The following KDM6A variants were observed in gnomAD, a reference collection of about 807,000 sequenced individuals.
KDM6A encodes the protein lysine demethylase 6A, also known as lysine-specific demethylase 6A.
KDM6A carries 11 observed loss-of-function variants against 117.6 expected under a neutral mutation model. That is an observed-to-expected ratio of 0.09 (90% CI 0.06 to 0.15). The LOEUF (loss-of-function observed/expected upper bound fraction) is 0.15, where lower values mean the gene tolerates loss of function less well. Among genes scored for constraint, KDM6A ranks in the 10% least tolerant of loss-of-function variants. KDM6A has a pLI of 1.00. For missense variants in KDM6A, 799 were observed against 1,077.3 expected (o/e 0.74, Z 3.62); for synonymous variants, 384 against 396.1 (o/e 0.97, Z 0.36).
At chrX:44,904,731 CTTTTCAGGCTGCTGGA>C (rs2034543156) in intron 2 of KDM6A, among the ~76,000 whole-genome samples, 1 of 111,854 alleles carries the variant, frequency 8.9e-6, no homozygotes, top group South Asian at 3.7e-4. Context: ...CCTCTGCTGG[CTTTTCAGGCTGCTGGA>C]TTTTACCAGA....
At chrX:44,980,435 G>A (rs1446064315) in intron 4 of KDM6A, among the ~76,000 whole-genome samples, 2 of 110,755 alleles carry the variant, frequency 1.8e-5, no homozygotes, top group African/African-American at 6.6e-5. Flanking sequence ...AAGTTAGGAA[G>A]AATTTGTCAT....
At position 44,966,869 on chromosome X, in the gene KDM6A, C is replaced by CTTT. The variant is rs1228583337; in HGVS notation, c.334+5493_334+5495dup. Among the ~76,000 whole-genome samples, 517 of 88,902 alleles carry CTTT rather than the reference C, an allele frequency of 5.8e-3. 21 individuals carry two copies. Among genetic ancestry groups the CTTT allele is most frequent in the African/African-American group, 0.021 (466 of 21,798 alleles). 77.2% of individuals were successfully genotyped at this position (88,902 alleles called of 115,157 possible). On this transcript the variant is annotated intron_variant, in intron 3 of 29. Transcript: ENST00000611820. ...CTTAAAATAAATTCTCTCTCTCTCT[C>CTTT]TTTTTTTTTTTTTTTTTTGAGACAG...
chrX:44,911,086 G>GCC (rs771959202), intron 2 of KDM6A, among the ~76,000 whole-genome samples: 1 of 103,949 alleles, frequency 9.6e-6, no homozygotes, highest in Admixed American at 1.0e-4. Flanking sequence ...GGGCAGAGGC[G>GCC]CCCCCACCTC....
chrX:45,008,845 T>G (rs1382116831), intron 4 of KDM6A, among the ~76,000 whole-genome samples: 1 of 111,960 alleles, frequency 8.9e-6, no homozygotes, highest in Non-Finnish European at 1.9e-5. Context: ...CCTTTGTGAC[T>G]CCTGGAATTT....
intron 3 of KDM6A, among the ~76,000 whole-genome samples, chrX:44,966,376 C>G (rs2039013878): frequency 9.0e-6 from 1 of 110,883 alleles, no homozygotes; most frequent in Non-Finnish European, 1.9e-5. Context: ...CCCCTGGGCT[C>G]CAGCGATCCT....
chrX:45,073,212 T>G (rs1309896709), intron 18 of KDM6A, among the ~76,000 whole-genome samples: 1 of 111,794 alleles, frequency 8.9e-6, no homozygotes, highest in African/African-American at 3.3e-5. Context: ...TCATCCTTTT[T>G]TATGGCTGCA....
chrX:45,020,866 G>A (rs2147671976), intron 6 of KDM6A, 136 bp downstream of exon 6: 1 of 670,615 alleles, frequency 1.5e-6, no homozygotes, highest in East Asian at 3.3e-5. Context: ...AAATTCAGGT[G>A]ACAGAACTGT....
In KDM6A at chrX:44,946,523, AT is replaced by A. The variant is rs1157240689; in HGVS notation, c.226-14751del. Among the ~76,000 whole-genome samples the A allele has an allele frequency of 2.7e-4, 29 of 109,073 alleles. No individual in the cohort carries two copies. The East Asian group carries it at 3.1e-3, about 12-fold the overall frequency. The allele number at this position is 109,073 out of a possible 115,157, so 94.7% of individuals were successfully genotyped here. A position where few individuals can be genotyped will look rare whatever the true frequency, so the allele number is the denominator to read the frequency against. On this transcript the variant is annotated intron_variant, in intron 2 of 29. Coordinates refer to ENST00000611820, the MANE Select transcript of KDM6A (RefSeq NM_001291415.2). ...TCAGTTGTGGCTTGCCTTTATACTA[AT>A]TTTTTTTTTATAAACATAAGTTCTG...
chrX:44,887,356 G>A (rs2032976970), intron 2 of KDM6A, among the ~76,000 whole-genome samples: 1 of 111,618 alleles, frequency 9.0e-6, no homozygotes, highest in Non-Finnish European at 1.9e-5. Context: ...ATTTCAGAGA[G>A]TATAGGGAAT....
intron 2 of KDM6A, among the ~76,000 whole-genome samples, chrX:44,921,367 G>C (rs2035925606): frequency 9.0e-6 from 1 of 111,502 alleles, no homozygotes; most frequent in Non-Finnish European, 1.9e-5. Flanking sequence ...GATTTCACCA[G>C]GTATGTATGT....
Position 45,082,871 on chromosome X carries a change from T to A in KDM6A, c.3440+82T>A, listed in dbSNP as rs1186170967. On this transcript the variant is annotated intron_variant, in intron 23 of 29. Transcript: ENST00000611820. ...ATTGGGAATTCTCTACAATTTCCTC[T>A]TCTGTTTCATTTATTGTCATTTTTT... The A allele has an allele frequency of 9.7e-6, 6 of 618,216 alleles. No individual in the cohort carries two copies. In the Admixed American group the frequency reaches 1.7e-4, roughly 17 times the overall value. 50.9% of individuals were successfully genotyped at this position (618,216 alleles called of 1,213,427 possible).
At chrX:45,045,859 C>T (rs1035512554) in intron 8 of KDM6A, among the ~76,000 whole-genome samples, 5 of 111,296 alleles carry the variant, frequency 4.5e-5, no homozygotes, top group Non-Finnish European at 9.4e-5. Flanking sequence ...TTCCTGCTTT[C>T]AGTTCTTTTT....
intron 13 of KDM6A, among the ~76,000 whole-genome samples, chrX:45,060,373 T>TG (rs1275630509): frequency 2.0e-4 from 22 of 112,362 alleles, no homozygotes; most frequent in African/African-American, 7.1e-4. Context: ...TTCATGATTT[T>TG]GAAGGAGATT....
At position 45,111,382 on chromosome X, in the gene KDM6A, GCTCCT is replaced by G; in HGVS notation, c.4335_4339del (p.Pro1446IlefsTer14). ...TAACCTACCTTACTTTTATTTTCAG[GCTCCT>G]CCATTACCATCCGCCTCATCTTGAT... On this transcript the variant is annotated frameshift_variant and splice_region_variant, in exon 30 of 30. Transcript: ENST00000611820. LOFTEE classifies it high-confidence loss of function. 1 of 1,194,584 alleles carries G rather than the reference GCTCCT, an allele frequency of 8.4e-7. No homozygotes were observed. Among genetic ancestry groups the G allele is most frequent in the Non-Finnish European group, 1.1e-6 (1 of 880,557 alleles).
In KDM6A at chrX:44,928,938, A is replaced by G. The variant is rs765779568; in HGVS notation, c.226-32346A>G. 2.7e-5 allele frequency among the ~76,000 whole-genome samples: 3 copies of G among 111,397 alleles called. No individual in the cohort carries two copies. The South Asian group carries it at 1.1e-3, about 41-fold the overall frequency. The stretch of plus-strand genomic sequence containing the variant: ...CTATAACCTTCAAAGTCATTTTACT[A>G]TATATTTTTTTGAGACGGAGTGTCG... On this transcript the variant is annotated intron_variant, in intron 2 of 29. Coordinates refer to ENST00000611820, the MANE Select transcript of KDM6A (RefSeq NM_001291415.2).
chrX:44,938,122 C>A (rs906414929), intron 2 of KDM6A, among the ~76,000 whole-genome samples: 5 of 111,576 alleles, frequency 4.5e-5, no homozygotes, highest in African/African-American at 1.6e-4. Context: ...ATGACAGGTA[C>A]CCAGCTATTT....
At chrX:45,048,159 CAAAAA>C (rs571121737) in intron 8 of KDM6A, among the ~76,000 whole-genome samples, 19 of 34,317 alleles carry the variant, frequency 5.5e-4, no homozygotes, top group African/African-American at 1.6e-3. Context: ...AAGTGCGTCT[CAAAAA>C]AAAAAAAAAA....
intron 5 of KDM6A, among the ~76,000 whole-genome samples, chrX:45,018,427 G>A (rs564225847): frequency 1.1e-3 from 127 of 111,719 alleles, no homozygotes; most frequent in Middle Eastern, 4.6e-3. Context: ...TAGATTAACA[G>A]TGTGTTTTTT....
chrX:44,880,264 TA>T (rs2032136803), intron 2 of KDM6A, among the ~76,000 whole-genome samples: 1 of 101,781 alleles, frequency 9.8e-6, no homozygotes, highest in African/African-American at 4.5e-5. Context: ...TTTCATTTTG[TA>T]GTAATATTTA....
Sources: allele counts gnomAD v4.1 joint callset (sites outside exome capture counted in the v4.1 genomes callset), GRCh38; gene constraint gnomAD v4.1.1; transcripts MANE v1.5; gene names NCBI Gene and HGNC (gene_info 2026-07-23, HGNC 2026-07-21).